RGS6: variants seen among roughly 807,000 people sequenced by gnomAD.
RGS6 encodes the protein regulator of G protein signaling 6, also known as regulator of G-protein signaling 6.
In RGS6, 30 loss-of-function variants were observed where a neutral mutation model predicts 78.5. The ratio of observed to expected loss-of-function variants is 0.38; its 90% CI spans 0.29 to 0.52. The LOEUF (loss-of-function observed/expected upper bound fraction) is 0.52. Ranked by LOEUF, RGS6 falls within the 20% of genes least tolerant of loss-of-function variation. RGS6 has a pLI of 0.85. For synonymous variants in RGS6, 206 were observed against 206.0 expected (o/e 1.00, Z 0.00); for missense variants, 495 against 609.7 (o/e 0.81, Z 1.98).
chr14:72,275,789 T>A (rs2060574682), intron 2 of RGS6, among the ~76,000 whole-genome samples: 1 of 152,246 alleles, frequency 6.6e-6, no homozygotes, highest in South Asian at 2.1e-4. Context: ...CTTGCCTATA[T>A]GTAAGGAACA....
At chr14:72,368,792 T>C (rs906125310) in intron 3 of RGS6, among the ~76,000 whole-genome samples, 58 of 152,210 alleles carry the variant, frequency 3.8e-4, no homozygotes, top group African/African-American at 1.3e-3. Context: ...AAAATAGAGA[T>C]AATTTGTTGG....
At chr14:72,346,716 T>C (rs2078129024) in intron 2 of RGS6, among the ~76,000 whole-genome samples, 1 of 152,304 alleles carries the variant, frequency 6.6e-6, no homozygotes, top group Non-Finnish European at 1.5e-5. Flanking sequence ...GTGAAGCAAC[T>C]TGTCCCAGGT....
At chr14:72,356,847 C>T (rs900485086) in intron 3 of RGS6, among the ~76,000 whole-genome samples, 5 of 152,232 alleles carry the variant, frequency 3.3e-5, no homozygotes, top group African/African-American at 7.2e-5. Flanking sequence ...CCGTGCTGAA[C>T]TGTGAGTCAA....
chr14:72,246,236 T>G (rs2054182822), intron 2 of RGS6, among the ~76,000 whole-genome samples: 1 of 152,222 alleles, frequency 6.6e-6, no homozygotes, highest in Non-Finnish European at 1.5e-5. Context: ...TGGAATCATT[T>G]GAGTTTGCTG....
At chr14:72,217,632 A>G (rs2045908986) in intron 2 of RGS6, among the ~76,000 whole-genome samples, 1 of 152,160 alleles carries the variant, frequency 6.6e-6, no homozygotes, top group Admixed American at 6.6e-5. Flanking sequence ...ATCTTGGTTG[A>G]TCCTTCTTTT....
At chr14:72,388,457 A>G (rs2088958413) in intron 3 of RGS6, among the ~76,000 whole-genome samples, 1 of 152,128 alleles carries the variant, frequency 6.6e-6, no homozygotes, top group South Asian at 2.1e-4. Context: ...CAGCTGTGCA[A>G]GAGTTAACAT....
chr14:72,405,793 C>T (rs189507488), intron 3 of RGS6, among the ~76,000 whole-genome samples: 2 of 152,148 alleles, frequency 1.3e-5, no homozygotes, highest in African/African-American at 4.8e-5. Context: ...CTGGCAGGGG[C>T]CTTCTTTGGT....
At chr14:72,162,375 T>C (rs946409318) in intron 2 of RGS6, among the ~76,000 whole-genome samples, 6 of 152,164 alleles carry the variant, frequency 3.9e-5, no homozygotes, top group African/African-American at 1.4e-4. Flanking sequence ...ACAGCAAAGA[T>C]AAGGCTAAAC....
At chr14:72,265,496 G>A (rs1303644483) in intron 2 of RGS6, among the ~76,000 whole-genome samples, 1 of 152,146 alleles carries the variant, frequency 6.6e-6, no homozygotes, top group Admixed American at 6.5e-5. Flanking sequence ...GTGTTTGTCT[G>A]TTTTTAAGTG....
At chr14:72,127,863 T>A (rs2096236654) in intron 2 of RGS6, among the ~76,000 whole-genome samples, 1 of 152,214 alleles carries the variant, frequency 6.6e-6, no homozygotes. Flanking sequence ...AACTCCTAAT[T>A]TGTTCTCTGT....
chr14:72,007,809 A>G (rs2084874742), intron 2 of RGS6, among the ~76,000 whole-genome samples: 1 of 152,188 alleles, frequency 6.6e-6, no homozygotes, highest in Non-Finnish European at 1.5e-5. Flanking sequence ...GCTTTTGTGT[A>G]GTGGAATTAA....
chr14:72,382,708 T>C (rs184736111), intron 3 of RGS6, among the ~76,000 whole-genome samples: 14 of 152,304 alleles, frequency 9.2e-5, no homozygotes, highest in Admixed American at 6.5e-4. Context: ...GGCTCTAGAA[T>C]GGAAAGAGAA....
chr14:72,119,719 A>C (rs751794948), intron 2 of RGS6, among the ~76,000 whole-genome samples: 1 of 152,224 alleles, frequency 6.6e-6, no homozygotes, highest in African/African-American at 2.4e-5. Flanking sequence ...CTTGGTTCTC[A>C]TAATTTAGAA....
At chr14:72,239,254 A>G (rs991242542) in intron 2 of RGS6, among the ~76,000 whole-genome samples, 1 of 152,070 alleles carries the variant, frequency 6.6e-6, no homozygotes, top group African/African-American at 2.4e-5. Context: ...GTGCACACAC[A>G]GTGTGTTTAG....
chr14:72,302,247 T>C (rs2152412804), intron 2 of RGS6, among the ~76,000 whole-genome samples: 1 of 152,338 alleles, frequency 6.6e-6, no homozygotes, highest in South Asian at 2.1e-4. Context: ...AGTGGACACC[T>C]TTTACAGGCT....
chr14:71,970,133 T>C (rs2093718757), intron 2 of RGS6, among the ~76,000 whole-genome samples: 1 of 152,224 alleles, frequency 6.6e-6, no homozygotes, highest in Admixed American at 6.5e-5. Flanking sequence ...ATTATCATTT[T>C]GTAGTATTAA....
At chr14:72,287,602 A>G (rs1369099281) in intron 2 of RGS6, among the ~76,000 whole-genome samples, 2 of 152,120 alleles carry the variant, frequency 1.3e-5, no homozygotes, top group Admixed American at 6.5e-5. Flanking sequence ...GACTATAGGC[A>G]TGTGCCACCA....
chr14:72,035,651 A>G (rs2332708), intron 2 of RGS6, among the ~76,000 whole-genome samples: 124,957 of 152,022 alleles, frequency 0.82, 51,481 homozygotes, highest in South Asian at 0.89. Flanking sequence ...ATGTTTTGCA[A>G]TGTGAATCTC....
chr14:72,186,398 A>G lies in RGS6; in HGVS notation c.85-165697A>G, dbSNP rs558480135. 7.9e-5 allele frequency among the ~76,000 whole-genome samples: 12 copies of G among 152,340 alleles called. No homozygotes were observed. In the East Asian group the frequency reaches 9.6e-4, roughly 12 times the overall value. ...CTGCAAATTGCCCTTGAGGGAGGTA[A>G]CTTTTAGCATCTGAGGCTTTGATGT... On this transcript the variant is annotated intron_variant, in intron 2 of 17. Coordinates refer to ENST00000553525, the MANE Select transcript of RGS6 (RefSeq NM_001204424.2).
Sources: allele counts gnomAD v4.1 joint callset (sites outside exome capture counted in the v4.1 genomes callset), GRCh38; gene constraint gnomAD v4.1.1; transcripts MANE v1.5; gene names NCBI Gene and HGNC (gene_info 2026-07-23, HGNC 2026-07-21).